The following PRKN variants were observed in gnomAD, a reference collection of about 807,000 sequenced individuals.
PRKN encodes parkin RBR E3 ubiquitin protein ligase.
In PRKN, 56 loss-of-function variants were observed where a neutral mutation model predicts 59.5. That is an observed-to-expected ratio of 0.94 (90% CI 0.76 to 1.18). The LOEUF (loss-of-function observed/expected upper bound fraction) is 1.18. PRKN is among the 50% of genes most tolerant of loss of function. The probability of loss-of-function intolerance (pLI) is 0.00; values close to 1 mark genes in which losing one functional copy is unlikely to be tolerated. For missense variants in PRKN, 657 were observed against 596.4 expected, an observed-to-expected ratio of 1.10 and a Z score of -1.06; for synonymous variants, 250 against 222.1, an observed-to-expected ratio of 1.13 and a Z score of -1.12.
chr6:162,673,975 T>C (rs1243408571), intron 1 of PRKN, among the ~76,000 whole-genome samples: 7 of 152,134 alleles, frequency 4.6e-5, no homozygotes, highest in Admixed American at 4.6e-4. Flanking sequence ...TGGGCCTCCT[T>C]TTCCTCCCAT....
At chr6:162,593,458 T>C (rs1316559019) in intron 1 of PRKN, among the ~76,000 whole-genome samples, 1 of 152,200 alleles carries the variant, frequency 6.6e-6, no homozygotes, top group Non-Finnish European at 1.5e-5. Flanking sequence ...ATAAACTTTA[T>C]TTATATATTC....
Position 161,484,412 on chromosome 6 carries a change from T to G in PRKN, c.1083+64442A>C, listed in dbSNP as rs1038538466. ...CATTATTTCCTTTACTAACAATAAC[T>G]AAGATGCACTGGGTACGTTACGTGT... On this transcript the variant is annotated intron_variant, in intron 9 of 11. Transcript: ENST00000366898. The surrounding 1 kb of genome is among the most constrained non-coding windows in gnomAD (Gnocchi z 4.9). Among the ~76,000 whole-genome samples the G allele has an allele frequency of 3.3e-5, 5 of 152,148 alleles. No homozygotes were observed. Among genetic ancestry groups the G allele is most frequent in the African/African-American group, 9.7e-5 (4 of 41,440 alleles).
intron 7 of PRKN, among the ~76,000 whole-genome samples, chr6:161,776,426 C>T (rs9456709): frequency 3.9e-5 from 6 of 152,168 alleles, no homozygotes; most frequent in African/African-American, 1.4e-4. Flanking sequence ...TTATTTTCAA[C>T]TTCATCAAAA....
chr6:162,210,771 T>G (rs1785168264), intron 3 of PRKN, among the ~76,000 whole-genome samples: 1 of 152,098 alleles, frequency 6.6e-6, no homozygotes, highest in Non-Finnish European at 1.5e-5. Context: ...AGGAAAATAA[T>G]AAACAATTAC....
In PRKN at chr6:161,401,005, A is replaced by T. The variant is rs1426323747; in HGVS notation, c.1084-14128T>A. Among the ~76,000 whole-genome samples the T allele has an allele frequency of 6.6e-6, 1 of 152,174 alleles. No homozygotes were observed. The highest frequency in any genetic ancestry group is 1.5e-5 in the Non-Finnish European group (1 of 68,034). ...GTTGATCAGAGTACACTGCAAACAA[A>T]CATCTGTTTCTGATGGCTGCAGCAC... On this transcript the variant is annotated intron_variant, in intron 9 of 11. Coordinates refer to ENST00000366898, the MANE Select transcript of PRKN (RefSeq NM_004562.3). This position sits in a 1 kb window ranked among gnomAD's most constrained non-coding sequence, Gnocchi z 4.4.
At chr6:161,863,112 C>T (rs9295173) in intron 6 of PRKN, among the ~76,000 whole-genome samples, 7 of 151,870 alleles carry the variant, frequency 4.6e-5, no homozygotes, top group East Asian at 1.9e-4. Flanking sequence ...GAGATTACAA[C>T]GTGAAAACTG....
intron 5 of PRKN, among the ~76,000 whole-genome samples, chr6:162,009,108 C>T (rs1328906997): frequency 2.0e-5 from 3 of 151,884 alleles, no homozygotes; most frequent in Non-Finnish European, 2.9e-5. Context: ...CAAAAATTAG[C>T]CGGGTGTGGT....
intron 6 of PRKN, among the ~76,000 whole-genome samples, chr6:161,948,043 T>A (rs2128245161): frequency 6.6e-6 from 1 of 152,240 alleles, no homozygotes; most frequent in Non-Finnish European, 1.5e-5. Flanking sequence ...TGGAGTGCAA[T>A]GGTGTGATCT....
intron 3 of PRKN, among the ~76,000 whole-genome samples, chr6:162,236,879 A>G (rs970562989): frequency 3.3e-5 from 5 of 150,658 alleles, no homozygotes; most frequent in South Asian, 2.1e-4. Flanking sequence ...AAAGAATGGG[A>G]GAGAGAGAGA....
intron 2 of PRKN, among the ~76,000 whole-genome samples, chr6:162,396,436 C>T (rs143281153): frequency 9.2e-5 from 14 of 152,092 alleles, no homozygotes; most frequent in East Asian, 1.9e-4. Context: ...CAAGGTGGAA[C>T]GATGGGTATC....
intron 5 of PRKN, among the ~76,000 whole-genome samples, chr6:161,992,905 G>T (rs1351975873): frequency 6.6e-6 from 1 of 151,972 alleles, no homozygotes; most frequent in African/African-American, 2.4e-5. Flanking sequence ...TTTCTTGAGA[G>T]AATTAAAAAT....
At chr6:162,521,637 T>C (rs1327398088) in intron 1 of PRKN, among the ~76,000 whole-genome samples, 1 of 152,180 alleles carries the variant, frequency 6.6e-6, no homozygotes, top group Admixed American at 6.5e-5. Context: ...AGTAATTCCA[T>C]ATATTTACAT....
intron 1 of PRKN, among the ~76,000 whole-genome samples, chr6:162,717,038 T>C (rs1778756842): frequency 6.6e-6 from 1 of 152,200 alleles, no homozygotes; most frequent in Non-Finnish European, 1.5e-5. Context: ...ATTAAGGATC[T>C]GGAGACGAAG....
chr6:161,549,130 G>C lies in PRKN; in HGVS notation c.934-127C>G, dbSNP rs974200767. On this transcript the variant is annotated intron_variant, in intron 8 of 11. Transcript: ENST00000366898. This position sits in a 1 kb window ranked among gnomAD's most constrained non-coding sequence, Gnocchi z 6.0. The stretch of plus-strand genomic sequence containing the variant: ...AGTAAAATAATGCATGTGTGTGTGT[G>C]TGTGTGTGTGTAGGGGGAGGGAGAG... 2.0e-5 allele frequency: 19 copies of C among 968,380 alleles called. No individual in the cohort carries two copies. Among genetic ancestry groups the C allele is most frequent in the Non-Finnish European group, 2.8e-5 (17 of 617,568 alleles). 60.0% of individuals were successfully genotyped at this position (968,380 alleles called of 1,614,324 possible).
chr6:162,257,301 T>C (rs1040696932), intron 3 of PRKN, among the ~76,000 whole-genome samples: 9 of 152,102 alleles, frequency 5.9e-5, no homozygotes, highest in African/African-American at 1.9e-4. Context: ...CCACAGTTTT[T>C]CTTTTTTTTT....
chr6:161,899,844 C>T (rs542761853), intron 6 of PRKN, among the ~76,000 whole-genome samples: 31 of 152,256 alleles, frequency 2.0e-4, no homozygotes, highest in African/African-American at 6.7e-4. Flanking sequence ...ACAACCGGGC[C>T]GGGCCAGGCG....
chr6:161,507,959 C>A (rs774680857), intron 9 of PRKN, among the ~76,000 whole-genome samples: 1 of 152,156 alleles, frequency 6.6e-6, no homozygotes, highest in Non-Finnish European at 1.5e-5. Context: ...AAATGACCTA[C>A]CTTTTCTGAC....
At chr6:161,640,131 C>T (rs578252928) in intron 7 of PRKN, among the ~76,000 whole-genome samples, 104 of 152,280 alleles carry the variant, frequency 6.8e-4, no homozygotes, top group African/African-American at 2.4e-3. Flanking sequence ...TTATTTCCAA[C>T]CACTTAATCC....
intron 7 of PRKN, among the ~76,000 whole-genome samples, chr6:161,675,330 T>C (rs1056971150): frequency 1.3e-5 from 2 of 152,170 alleles, no homozygotes; most frequent in Non-Finnish European, 2.9e-5. Context: ...AGGTATCATG[T>C]CTGAGTGCCC....
Sources: allele counts gnomAD v4.1 joint callset (sites outside exome capture counted in the v4.1 genomes callset), GRCh38; gene constraint gnomAD v4.1.1; non-coding constraint Gnocchi (gnomAD v3.1); transcripts MANE v1.5; gene names NCBI Gene and HGNC (gene_info 2026-07-23, HGNC 2026-07-21).